The following SORCS3 variants were observed in gnomAD, a reference collection of about 807,000 sequenced individuals.
SORCS3 encodes the protein sortilin related VPS10 domain containing receptor 3.
Under a neutral mutation model 146.3 loss-of-function variants are expected in SORCS3, and 57 were observed. That is an observed-to-expected ratio of 0.39 (90% CI 0.31 to 0.49). SORCS3 has a LOEUF of 0.49. Among genes scored for constraint, SORCS3 ranks in the 20% least tolerant of loss-of-function variants. The pLI, the probability that SORCS3 is intolerant of heterozygous loss-of-function variation, is 0.92. For synonymous variants in SORCS3, 653 were observed against 618.5 expected (o/e 1.06, Z -0.83); for missense variants, 1,341 against 1,575.5 (o/e 0.85, Z 2.52).
At chr10:104,729,498 A>G (rs1252288665) in intron 1 of SORCS3, among the ~76,000 whole-genome samples, 2 of 152,224 alleles carry the variant, frequency 1.3e-5, no homozygotes, top group Non-Finnish European at 2.9e-5. Context: ...GGGAGACACA[A>G]TGGATATGTT....
intron 3 of SORCS3, among the ~76,000 whole-genome samples, chr10:104,941,696 A>T (rs2019321989): frequency 6.6e-6 from 1 of 152,228 alleles, no homozygotes; most frequent in Non-Finnish European, 1.5e-5. Context: ...GAACACCAAA[A>T]CTTGGACAAC....
intron 1 of SORCS3, among the ~76,000 whole-genome samples, chr10:104,835,773 C>G (rs2018058928): frequency 6.6e-6 from 1 of 152,152 alleles, no homozygotes; most frequent in African/African-American, 2.4e-5. Flanking sequence ...GAATCTGAAA[C>G]CTTTCCACCA....
At chr10:104,998,646 T>G (rs2133669978) in intron 4 of SORCS3, among the ~76,000 whole-genome samples, 1 of 152,278 alleles carries the variant, frequency 6.6e-6, no homozygotes, top group South Asian at 2.1e-4. Context: ...GCTAAGATTC[T>G]TTGAACCTTC....
intron 3 of SORCS3, among the ~76,000 whole-genome samples, chr10:104,955,516 T>A (rs1360309731): frequency 6.6e-6 from 1 of 152,212 alleles, no homozygotes; most frequent in East Asian, 1.9e-4. Flanking sequence ...TGTTTTTCAT[T>A]CCTTTGGGTA....
chr10:104,796,580 A>G (rs7899815), intron 1 of SORCS3, among the ~76,000 whole-genome samples: 6,578 of 152,240 alleles, frequency 0.043, 150 homozygotes, highest in South Asian at 0.06. Context: ...GGCAGGTGAT[A>G]CTGTTTTTCC....
At chr10:105,147,818 T>C in intron 9 of SORCS3, 22 bp downstream of exon 9, 1 of 1,597,242 alleles carries the variant, frequency 6.3e-7, no homozygotes, top group South Asian at 1.1e-5. Context: ...AAATTCTCCT[T>C]CCCTTGGGTC....
intron 16 of SORCS3, among the ~76,000 whole-genome samples, chr10:105,204,823 G>T (rs981287852): frequency 6.6e-6 from 1 of 152,146 alleles, no homozygotes; most frequent in African/African-American, 2.4e-5. Context: ...CAATGAGACT[G>T]AATATTTGAA....
At chr10:105,241,567 C>T (rs1430058405) in intron 20 of SORCS3, among the ~76,000 whole-genome samples, 1 of 152,148 alleles carries the variant, frequency 6.6e-6, no homozygotes, top group African/African-American at 2.4e-5. Context: ...TCGGTGGGTC[C>T]TGAACTCTTG....
intron 1 of SORCS3, among the ~76,000 whole-genome samples, chr10:104,705,226 T>A (rs982503224): frequency 0.076 from 304 of 3,988 alleles, 1 homozygote; most frequent in African/African-American, 0.084. Context: ...CAGGCCTTCG[T>A]TTTTTTTTTT....
rs76630846 is a variant in SORCS3 at position 105,006,875 on chromosome 10, A to C, written c.954+29382A>C. 2.1e-3 allele frequency among the ~76,000 whole-genome samples: 319 copies of C among 152,218 alleles called. 2 individuals are homozygous for C. Among genetic ancestry groups the C allele is most frequent in the African/African-American group, 7.3e-3 (302 of 41,530 alleles). ...CTTATCCTGCTTTATTTTTCTTCAT[A>C]ATAGTTTGGCATCATTCAGCATGTT... is the stretch of plus-strand genomic sequence containing the variant. On this transcript the variant is annotated intron_variant, in intron 4 of 26. Transcript: ENST00000369701.
intron 1 of SORCS3, among the ~76,000 whole-genome samples, chr10:104,777,815 T>A (rs998309997): frequency 1.3e-5 from 2 of 152,140 alleles, no homozygotes; most frequent in South Asian, 4.2e-4. Context: ...ACTGATATCA[T>A]TTTAAGGGTG....
At chr10:105,074,157 C>T (rs1036307414) in intron 5 of SORCS3, among the ~76,000 whole-genome samples, 1 of 152,184 alleles carries the variant, frequency 6.6e-6, no homozygotes, top group East Asian at 1.9e-4. Context: ...ACATGCCAGG[C>T]ATTTTCTTTG....
intron 1 of SORCS3, among the ~76,000 whole-genome samples, chr10:104,649,881 A>G (rs1420094010): frequency 6.6e-6 from 1 of 152,216 alleles, no homozygotes; most frequent in Non-Finnish European, 1.5e-5. Flanking sequence ...ATTGGCATCC[A>G]TGATACAACT....
At position 105,178,087 on chromosome 10, in the gene SORCS3, C is replaced by T. The variant is rs2056419024; in HGVS notation, c.1923C>T (p.His641=). Residue 641 remains histidine (H), a synonymous_variant, in exon 14 of 27, where the codon CAC becomes CAT. Transcript: ENST00000369701. ...ACAGGGTGAGTTTTGATGAGGGCCA[C>T]TCTTGGGACAAGTATGGTTTCACTT... is the stretch of plus-strand genomic sequence containing the variant. ...RHLWVSFDEG[H]SWDKYGFTSV... The T allele has an allele frequency of 1.2e-6, 2 of 1,613,516 alleles. No homozygotes were observed. The highest frequency in any genetic ancestry group is 1.3e-5 in the African/African-American group (1 of 75,002).
chr10:105,095,959 G>A (rs1589630668), intron 6 of SORCS3, among the ~76,000 whole-genome samples: 1 of 152,112 alleles, frequency 6.6e-6, no homozygotes, highest in South Asian at 2.1e-4. Context: ...TGGGGATACT[G>A]GCATCTACGC....
chr10:105,263,394 CA>C lies in SORCS3; in HGVS notation c.*22del. On this transcript the variant is annotated 3_prime_UTR_variant, in exon 27 of 27. Coordinates refer to ENST00000369701, the MANE Select transcript of SORCS3 (RefSeq NM_014978.3). ...GTTTAATACCAGCAAGCCACGTGGT[CA>C]ACCACCTTTCTGACTTTTTATTTTT... is the stretch of plus-strand genomic sequence containing the variant. The C allele has an allele frequency of 6.2e-7, 1 of 1,612,146 alleles. No homozygotes were observed. The highest frequency in any genetic ancestry group is 1.3e-5 in the African/African-American group (1 of 74,980).
At position 105,174,883 on chromosome 10, in the gene SORCS3, C is replaced by T. The variant is rs191632437; in HGVS notation, c.1902-3183C>T. On this transcript the variant is annotated intron_variant, in intron 13 of 26. Transcript: ENST00000369701. ...GTCGTATCTCAATACTGGAAGGCTG[C>T]GATGGTCTCTCCGTGTCGGCTCTCT... 1.2e-3 allele frequency among the ~76,000 whole-genome samples: 182 copies of T among 152,200 alleles called. 1 individual carries two copies. The highest frequency in any genetic ancestry group is 2.6e-3 in the Admixed American group (40 of 15,276).
At chr10:104,723,537 T>G (rs1469374359) in intron 1 of SORCS3, among the ~76,000 whole-genome samples, 1 of 152,216 alleles carries the variant, frequency 6.6e-6, no homozygotes, top group Non-Finnish European at 1.5e-5. Context: ...ATATCCTTGT[T>G]AACTTTCTGT....
chr10:105,028,288 C>T (rs1163660480), intron 4 of SORCS3, among the ~76,000 whole-genome samples: 1 of 152,186 alleles, frequency 6.6e-6, no homozygotes, highest in Admixed American at 6.5e-5. Flanking sequence ...GGAAGGTGCT[C>T]ACTCAATTAC....
Sources: allele counts gnomAD v4.1 joint callset (sites outside exome capture counted in the v4.1 genomes callset), GRCh38; gene constraint gnomAD v4.1.1; transcripts MANE v1.5; gene names NCBI Gene and HGNC (gene_info 2026-07-23, HGNC 2026-07-21).